Variants in SPIDR observed in about 807,000 individuals in gnomAD.
SPIDR encodes the protein scaffold protein involved in DNA repair.
Under a neutral mutation model 104.6 loss-of-function variants are expected in SPIDR, and 93 were observed. The ratio of observed to expected loss-of-function variants is 0.89; its 90% confidence interval spans 0.75 to 1.06. The LOEUF is 1.06. Ranked by LOEUF, SPIDR falls within the 50% of genes least tolerant of loss-of-function variation. The probability of loss-of-function intolerance (pLI) is 0.00; values close to 1 mark genes in which losing one functional copy is unlikely to be tolerated. For synonymous variants in SPIDR, 431 were observed against 416.9 expected (o/e 1.03, Z -0.41); for missense variants, 1,154 against 1,111.2 (o/e 1.04, Z -0.55).
At chr8:47,630,816 G>A (rs1298574598) in intron 10 of SPIDR, among the ~76,000 whole-genome samples, 1 of 152,168 alleles carries the variant, frequency 6.6e-6, no homozygotes, top group Non-Finnish European at 1.5e-5. Flanking sequence ...CTGTATGGCT[G>A]ATCCGACGTT....
chr8:47,447,676 T>G (rs1272560590), intron 8 of SPIDR, among the ~76,000 whole-genome samples: 1 of 152,218 alleles, frequency 6.6e-6, no homozygotes, highest in Non-Finnish European at 1.5e-5. Context: ...AGTAATGCCA[T>G]CAAACAGTAT....
intron 5 of SPIDR, among the ~76,000 whole-genome samples, chr8:47,343,266 G>C (rs1170573951): frequency 1.3e-5 from 2 of 152,160 alleles, no homozygotes; most frequent in East Asian, 3.9e-4. Context: ...TTTGACATCA[G>C]GTATCTGAAA....
intron 14 of SPIDR, among the ~76,000 whole-genome samples, chr8:47,711,537 A>C (rs2081888707): frequency 6.6e-6 from 1 of 151,648 alleles, no homozygotes; most frequent in South Asian, 2.1e-4. Context: ...TAAGAATGTT[A>C]CTTAGAAGCC....
intron 8 of SPIDR, among the ~76,000 whole-genome samples, chr8:47,464,482 G>A (rs1419721806): frequency 6.6e-6 from 1 of 152,174 alleles, no homozygotes; most frequent in Non-Finnish European, 1.5e-5. Flanking sequence ...ATAAACAGAA[G>A]CTGGGCTGAA....
chr8:47,572,740 G>A (rs959663762), intron 8 of SPIDR, among the ~76,000 whole-genome samples: 1 of 151,450 alleles, frequency 6.6e-6, no homozygotes, highest in Admixed American at 6.6e-5. Context: ...TGTTTCCTTT[G>A]AAGATGTGGT....
At chr8:47,393,733 C>CT (rs2060904740) in intron 5 of SPIDR, among the ~76,000 whole-genome samples, 8 of 73,698 alleles carry the variant, frequency 1.1e-4, no homozygotes, top group Admixed American at 2.0e-4. Context: ...CTTTCCTTTC[C>CT]TTCCTTTCAT....
At chr8:47,504,596 C>T (rs542697840) in intron 8 of SPIDR, among the ~76,000 whole-genome samples, 3 of 152,094 alleles carry the variant, frequency 2.0e-5, no homozygotes, top group East Asian at 1.9e-4. Context: ...TCCTTTAGCT[C>T]GGAGTAGTTT....
At chr8:47,265,805 A>G (rs1223749662) in intron 1 of SPIDR, among the ~76,000 whole-genome samples, 1 of 152,176 alleles carries the variant, frequency 6.6e-6, no homozygotes, top group African/African-American at 2.4e-5. Context: ...TTGCTAGATC[A>G]AAGTGTTGAC....
At chr8:47,529,926 A>AT (rs2085653574) in intron 8 of SPIDR, among the ~76,000 whole-genome samples, 1 of 152,224 alleles carries the variant, frequency 6.6e-6, no homozygotes, top group African/African-American at 2.4e-5. Flanking sequence ...GAGGAACCAC[A>AT]TAAAAAAGTA....
chr8:47,495,569 T>G (rs1386412527), intron 8 of SPIDR, among the ~76,000 whole-genome samples: 2 of 152,126 alleles, frequency 1.3e-5, no homozygotes, highest in East Asian at 3.9e-4. Flanking sequence ...TTTTTTATTT[T>G]TGTCACGTGT....
intron 10 of SPIDR, among the ~76,000 whole-genome samples, chr8:47,648,577 T>C (rs1161825213): frequency 6.6e-6 from 1 of 152,142 alleles, no homozygotes; most frequent in Non-Finnish European, 1.5e-5. Flanking sequence ...CAGTGATACG[T>C]CAGTAGCAAT....
chr8:47,297,837 T>A (rs2041180093), intron 5 of SPIDR, among the ~76,000 whole-genome samples: 2 of 152,364 alleles, frequency 1.3e-5, no homozygotes. Context: ...TGTGCCACAT[T>A]TTCTTAATCC....
chr8:47,574,265 A>G (rs2058832567), intron 8 of SPIDR, among the ~76,000 whole-genome samples: 1 of 152,350 alleles, frequency 6.6e-6, no homozygotes, highest in Non-Finnish European at 1.5e-5. Flanking sequence ...GAATGCCTAC[A>G]TAAATTTTTG....
At chr8:47,323,362 T>C (rs1331873937) in intron 5 of SPIDR, among the ~76,000 whole-genome samples, 1 of 152,226 alleles carries the variant, frequency 6.6e-6, no homozygotes, top group Non-Finnish European at 1.5e-5. Flanking sequence ...GTTTCCAATG[T>C]GAGTGTACAG....
At chr8:47,511,106 C>G in intron 8 of SPIDR, 2 of 1,451,622 alleles carry the variant, frequency 1.4e-6, no homozygotes, top group Non-Finnish European at 1.9e-6. Context: ...TCAGCCAGCT[C>G]TTTGTTTGGG....
chr8:47,329,245 G>T (rs2048247477), intron 5 of SPIDR, among the ~76,000 whole-genome samples: 1 of 151,910 alleles, frequency 6.6e-6, no homozygotes, highest in Non-Finnish European at 1.5e-5. Flanking sequence ...TGATTTTTTT[G>T]TATTTTTAGT....
intron 10 of SPIDR, among the ~76,000 whole-genome samples, chr8:47,633,558 G>A (rs1449610989): frequency 2.2e-4 from 29 of 134,270 alleles, no homozygotes; most frequent in South Asian, 4.8e-4. Context: ...GCAAATGATT[G>A]AAAAAAAAAA....
At chr8:47,453,095 G>A (rs1291544955) in intron 8 of SPIDR, among the ~76,000 whole-genome samples, 2 of 152,110 alleles carry the variant, frequency 1.3e-5, no homozygotes, top group Admixed American at 6.6e-5. Context: ...CAAATCATGA[G>A]TGAACTCCCA....
chr8:47,706,633 T>C (rs946011724), intron 14 of SPIDR, among the ~76,000 whole-genome samples: 2 of 152,214 alleles, frequency 1.3e-5, no homozygotes. Flanking sequence ...TTTTCATCCC[T>C]AGCGCTGGCA....
Sources: gnomAD v4.1 joint callset for allele counts (sites outside exome capture counted in the v4.1 genomes callset) on GRCh38, gnomAD v4.1.1 for gene constraint, MANE v1.5 for transcripts, NCBI Gene and HGNC (gene_info 2026-07-23, HGNC 2026-07-21) for gene names.